The following WDFY3 variants were observed in gnomAD, a reference collection of about 807,000 sequenced individuals.
WDFY3 encodes WD repeat and FYVE domain containing 3.
Under a neutral mutation model 409.6 loss-of-function variants are expected in WDFY3, and 66 were observed. The observed-to-expected ratio is 0.16, with a 90% CI of 0.13 to 0.20. The LOEUF (loss-of-function observed/expected upper bound fraction) is 0.20, where lower values mean the gene tolerates loss of function less well. Among genes scored for constraint, WDFY3 ranks in the 10% least tolerant of loss-of-function variants. WDFY3 has a pLI of 1.00. For missense variants in WDFY3, 3,031 were observed against 4,298.1 expected, an observed-to-expected ratio of 0.71 and a Z score of 8.24; for synonymous variants, 1,521 against 1,537.1, an observed-to-expected ratio of 0.99 and a Z score of 0.25.
At chr4:84,858,188 C>T (rs1244020501) in intron 4 of WDFY3, among the ~76,000 whole-genome samples, 1 of 152,034 alleles carries the variant, frequency 6.6e-6, no homozygotes, top group Non-Finnish European at 1.5e-5. Context: ...TTATTAAGTG[C>T]TGTAAGTATA....
At chr4:84,921,263 A>G (rs566911157) in intron 2 of WDFY3, among the ~76,000 whole-genome samples, 5 of 152,274 alleles carry the variant, frequency 3.3e-5, no homozygotes, top group South Asian at 2.1e-4. Flanking sequence ...TACAAATAAC[A>G]TAAGAACCCT....
chr4:84,823,056 A>C (rs1325984677), intron 10 of WDFY3, among the ~76,000 whole-genome samples: 4 of 152,204 alleles, frequency 2.6e-5, no homozygotes, highest in Non-Finnish European at 5.9e-5. Flanking sequence ...CTGAGAAGAA[A>C]GAACAAAACT....
At chr4:84,699,726 T>C (rs35617206) in intron 56 of WDFY3, among the ~76,000 whole-genome samples, 1 of 151,884 alleles carries the variant, frequency 6.6e-6, no homozygotes, top group Non-Finnish European at 1.5e-5. Context: ...GTTTTTCAGT[T>C]CCCCCCACCC....
At chr4:84,716,129 C>T (rs1343640905) in intron 49 of WDFY3, among the ~76,000 whole-genome samples, 2 of 152,084 alleles carry the variant, frequency 1.3e-5, no homozygotes, top group African/African-American at 2.4e-5. Context: ...ATAACCATAT[C>T]TAAGGATTAT....
chr4:84,942,499 G>A (rs55871210), intron 1 of WDFY3, among the ~76,000 whole-genome samples: 44,359 of 152,000 alleles, frequency 0.29, 6,613 homozygotes, highest in Admixed American at 0.33. Flanking sequence ...CCTTTTTGTG[G>A]ACATGTGCTT....
chr4:84,912,747 A>G (rs1457803934), intron 2 of WDFY3, among the ~76,000 whole-genome samples: 1 of 152,196 alleles, frequency 6.6e-6, no homozygotes, highest in Non-Finnish European at 1.5e-5. Context: ...CTATTCTAAA[A>G]AAAAAGAAAA....
intron 1 of WDFY3, among the ~76,000 whole-genome samples, chr4:84,932,990 G>T (rs1478051046): frequency 6.6e-6 from 1 of 151,838 alleles, no homozygotes; most frequent in African/African-American, 2.4e-5. Context: ...TAGTTTCTTA[G>T]GCCTCTAGTA....
intron 8 of WDFY3, among the ~76,000 whole-genome samples, chr4:84,830,351 G>A (rs1399326982): frequency 6.6e-6 from 1 of 152,140 alleles, no homozygotes; most frequent in African/African-American, 2.4e-5. Flanking sequence ...TACATTACAT[G>A]AGGTATTTAA....
At chr4:84,816,938 G>A (rs1484431394) in intron 13 of WDFY3, among the ~76,000 whole-genome samples, 1 of 152,078 alleles carries the variant, frequency 6.6e-6, no homozygotes, top group African/African-American at 2.4e-5. Context: ...TTACTAAGGA[G>A]TAAATGATAA....
rs772513707 is a variant in WDFY3 at position 84,794,834 on chromosome 4, T to G, written c.3268+45A>C. On this transcript the variant is annotated intron_variant, in intron 20 of 67. Coordinates refer to ENST00000295888, the MANE Select transcript of WDFY3 (RefSeq NM_014991.6). Reference sequence around the variant, plus strand: ...CAAATAAACTCTAAATTATATATAATCTACTAGAAAAAAAACTCATAAGCA... The same window carrying G: ...CAAATAAACTCTAAATTATATATAAGCTACTAGAAAAAAAACTCATAAGCA... 76 of 1,529,080 alleles carry G rather than the reference T, an allele frequency of 5.0e-5. No homozygotes were observed. The African/African-American group carries it at 8.4e-4, about 17-fold the overall frequency. 94.7% of individuals were successfully genotyped at this position (1,529,080 alleles called of 1,614,324 possible). A position where few individuals can be genotyped will look rare whatever the true frequency, so the allele number is the denominator to read the frequency against.
chr4:84,946,916 C>A (rs943855382), intron 1 of WDFY3, among the ~76,000 whole-genome samples: 2 of 151,706 alleles, frequency 1.3e-5, no homozygotes, highest in African/African-American at 4.8e-5. Flanking sequence ...ATGCCATTCT[C>A]CCGCCTCAGC....
chr4:84,680,080 G>A (rs1237684929), intron 64 of WDFY3, among the ~76,000 whole-genome samples: 10 of 151,726 alleles, frequency 6.6e-5, no homozygotes, highest in African/African-American at 2.2e-4. Context: ...TAGTAGAGAC[G>A]GGGTTTCACT....
intron 1 of WDFY3, among the ~76,000 whole-genome samples, chr4:84,937,830 C>T (rs560359671): frequency 6.6e-6 from 1 of 152,076 alleles, no homozygotes; most frequent in African/African-American, 2.4e-5. Context: ...GGCCTTTATA[C>T]TTGCTATTCT....
In WDFY3 at chr4:84,696,580, A is replaced by C. The variant is rs1182065930; in HGVS notation, c.8688+152T>G. Reference sequence around the variant, plus strand: ...GGTACTATTCCTGGTTTCAGGCATCAACTGGGGTTCTTGGGATGTATCCCC... The same window carrying C: ...GGTACTATTCCTGGTTTCAGGCATCCACTGGGGTTCTTGGGATGTATCCCC... On this transcript the variant is annotated intron_variant, in intron 57 of 67. Transcript: ENST00000295888. 6.1e-6 allele frequency: 4 copies of C among 651,086 alleles called. No homozygotes were observed. In the East Asian group the frequency reaches 1.1e-4, roughly 18 times the overall value. 40.3% of individuals were successfully genotyped at this position (651,086 alleles called of 1,614,324 possible).
intron 5 of WDFY3, among the ~76,000 whole-genome samples, chr4:84,849,260 G>A (rs1355315487): frequency 6.6e-6 from 1 of 152,070 alleles, no homozygotes; most frequent in Non-Finnish European, 1.5e-5. Flanking sequence ...AGACCCCTAA[G>A]TAGCTTATGG....
At chr4:84,830,406 C>A (rs1755529954) in intron 8 of WDFY3, among the ~76,000 whole-genome samples, 1 of 152,162 alleles carries the variant, frequency 6.6e-6, no homozygotes, top group African/African-American at 2.4e-5. Context: ...TCTTACCCAA[C>A]TATAGGCTAA....
chr4:84,831,459 G>C lies in WDFY3; in HGVS notation c.723C>G (p.Thr241=). 1 of 1,613,846 alleles carries C rather than the reference G, an allele frequency of 6.2e-7. No individual in the cohort carries two copies. The highest frequency in any genetic ancestry group is 8.5e-7 in the Non-Finnish European group (1 of 1,179,876). The part of the protein sequence containing the change: ...WRKSAGEVLM[T]ISRHGLSVNV... ...TGACACTAAGACCATGACGAGATATGGTCATGAGGACTTCTCCAGCACTCT... is the reference window on the plus strand; with the variant it reads ...TGACACTAAGACCATGACGAGATATCGTCATGAGGACTTCTCCAGCACTCT... The change falls in exon 8 of 68, where the codon ACC becomes ACG. Residue 241 remains threonine, a synonymous_variant. Transcript: ENST00000295888.
chr4:84,918,722 T>C (rs534670755), intron 2 of WDFY3, among the ~76,000 whole-genome samples: 2 of 151,662 alleles, frequency 1.3e-5, no homozygotes, highest in African/African-American at 4.8e-5. Context: ...TGTAAATTCT[T>C]ATTTTGAAAA....
At chr4:84,776,194 A>G (rs1467345331) in intron 27 of WDFY3, among the ~76,000 whole-genome samples, 1 of 152,088 alleles carries the variant, frequency 6.6e-6, no homozygotes, top group Non-Finnish European at 1.5e-5. Flanking sequence ...CTCTTATTGC[A>G]AAGTATTTAT....
Sources: allele counts gnomAD v4.1 joint callset (sites outside exome capture counted in the v4.1 genomes callset), GRCh38; gene constraint gnomAD v4.1.1; transcripts MANE v1.5; gene names NCBI Gene and HGNC (gene_info 2026-07-23, HGNC 2026-07-21).